The following DCAF6 variants were observed in gnomAD, a reference collection of about 807,000 sequenced individuals.
DCAF6 encodes the protein DDB1- and CUL4-associated factor 6.
DCAF6 carries 54 observed loss-of-function variants against 125.1 expected under a neutral mutation model. The observed-to-expected ratio is 0.43, with a 90% CI of 0.35 to 0.54. The LOEUF is 0.54. DCAF6 is among the 20% of genes least tolerant of loss of function. The pLI, the probability that DCAF6 is intolerant of heterozygous loss-of-function variation, is 0.01. For missense variants in DCAF6, 934 were observed against 1,161.7 expected, an observed-to-expected ratio of 0.80 and a Z score of 2.85; for synonymous variants, 371 against 390.4, an observed-to-expected ratio of 0.95 and a Z score of 0.58.
At chr1:167,949,345 T>C (rs145940992) in intron 1 of DCAF6, among the ~76,000 whole-genome samples, 1,764 of 152,330 alleles carry the variant, frequency 0.012, 23 homozygotes, top group Non-Finnish European at 0.015. Context: ...GAGGTTTATA[T>C]AGTGAATAGC....
chr1:167,933,802 G>C (rs1356114432), upstream of DCAF6, among the ~76,000 whole-genome samples: 1 of 152,072 alleles, frequency 6.6e-6, no homozygotes, highest in African/African-American at 2.4e-5. Context: ...CCAACTTGTC[G>C]ATCATAAATA....
intron 12 of DCAF6, chr1:168,023,312 C>T (rs10918811): frequency 0.024 from 12,852 of 525,656 alleles, 1,082 homozygotes; most frequent in African/African-American, 0.2. Context: ...ATAATGGATA[C>T]AAACTATATC....
chr1:168,017,523 A>G (rs1685143941), intron 11 of DCAF6, among the ~76,000 whole-genome samples: 1 of 152,054 alleles, frequency 6.6e-6, no homozygotes, highest in Non-Finnish European at 1.5e-5. Flanking sequence ...TAGAATCAGA[A>G]AGCTTTAGAG....
At position 168,023,053 on chromosome 1, in the gene DCAF6, T is replaced by A. The variant is rs1240456633; in HGVS notation, c.1609+6T>A. The A allele has an allele frequency of 1.9e-6, 3 of 1,614,118 alleles. No homozygotes were observed. In the East Asian group the frequency reaches 6.7e-5, roughly 36 times the overall value. ...GTCACTTGACGAGCAACAGGGTGCG[T>A]GCAACAGGAGATGCGCTATGCCCAT... On this transcript the variant is annotated splice_donor_region_variant and intron_variant, in intron 12 of 21. Transcript: ENST00000367840.
At chr1:167,966,757 GAAAA>G (rs748119322) in intron 3 of DCAF6, 36 bp downstream of exon 3, 1 of 1,292,400 alleles carries the variant, frequency 7.7e-7, no homozygotes, top group East Asian at 2.3e-5. Flanking sequence ...TTTAATGAGA[GAAAA>G]AAAATCAAGA....
At chr1:168,071,342 G>A (rs540781383) in intron 21 of DCAF6, among the ~76,000 whole-genome samples, 4 of 152,286 alleles carry the variant, frequency 2.6e-5, no homozygotes, top group South Asian at 2.1e-4. Flanking sequence ...AGTGGCTCAC[G>A]CCTGTAATCT....
chr1:167,878,705 T>C, the DCAF6 span: 17 of 1,493,564 alleles, frequency 1.1e-5, no homozygotes, highest in Non-Finnish European at 1.6e-5. Flanking sequence ...ATCTGAAACA[T>C]TGTCCCCAAA....
chr1:167,923,424 TA>T, the DCAF6 span, among the ~76,000 whole-genome samples: 688 of 152,296 alleles, frequency 4.5e-3, 8 homozygotes, highest in East Asian at 0.056. Context: ...GACATTATGC[TA>T]GGGGAAATAA....
chr1:168,028,158 A>G, intron 12 of DCAF6, among the ~76,000 whole-genome samples: 1 of 152,110 alleles, frequency 6.6e-6, no homozygotes, highest in South Asian at 2.1e-4. Flanking sequence ...TTTCCTTTTT[A>G]TCTCTCTACT....
At chr1:167,941,586 A>G (rs1672248211) in intron 1 of DCAF6, among the ~76,000 whole-genome samples, 1 of 152,008 alleles carries the variant, frequency 6.6e-6, no homozygotes, top group African/African-American at 2.4e-5. Flanking sequence ...TCATATTGTT[A>G]CAACTGTTGG....
At chr1:168,051,032 C>A in intron 17 of DCAF6, 99 bp downstream of exon 17, 1 of 527,930 alleles carries the variant, frequency 1.9e-6, no homozygotes, top group African/African-American at 1.9e-5. Context: ...AGTTAATACT[C>A]CCTTTGGACT....
At chr1:168,049,559 G>T (rs901640583) in intron 16 of DCAF6, among the ~76,000 whole-genome samples, 2 of 149,800 alleles carry the variant, frequency 1.3e-5, no homozygotes, top group African/African-American at 4.9e-5. Flanking sequence ...ACCGCGCCTG[G>T]CCATATACTG....
At chr1:167,958,603 CTAAA>C (rs2102768601) in intron 2 of DCAF6, among the ~76,000 whole-genome samples, 2 of 152,106 alleles carry the variant, frequency 1.3e-5, no homozygotes, top group East Asian at 3.9e-4. Flanking sequence ...CCTGTGAACA[CTAAA>C]TAAATTCAAA....
At chr1:168,067,201 C>T (rs537546586) in intron 20 of DCAF6, among the ~76,000 whole-genome samples, 1 of 152,130 alleles carries the variant, frequency 6.6e-6, no homozygotes, top group Admixed American at 6.5e-5. Context: ...ACTGACTGTT[C>T]GTAGCACAAT....
the DCAF6 span, among the ~76,000 whole-genome samples, chr1:167,900,689 C>T: frequency 6.6e-6 from 1 of 152,110 alleles, no homozygotes; most frequent in African/African-American, 2.4e-5. Flanking sequence ...CCCGCCATCA[C>T]GCCTGGCTAA....
intron 11 of DCAF6, among the ~76,000 whole-genome samples, chr1:168,019,230 G>A (rs921374317): frequency 1.4e-4 from 21 of 151,736 alleles, no homozygotes; most frequent in African/African-American, 5.1e-4. Flanking sequence ...TTGTATTTTT[G>A]GTAGAGATGG....
intron 1 of DCAF6, among the ~76,000 whole-genome samples, chr1:167,944,554 T>C (rs1022109189): frequency 6.6e-6 from 1 of 152,244 alleles, no homozygotes; most frequent in Non-Finnish European, 1.5e-5. Flanking sequence ...ATTTCTCTTA[T>C]GACTGGTAAT....
At chr1:167,902,047 C>T in the DCAF6 span, 1 of 1,604,234 alleles carries the variant, frequency 6.2e-7, no homozygotes, top group Non-Finnish European at 8.5e-7. Context: ...CTCCAAAAAT[C>T]AACACTTCTG....
intron 13 of DCAF6, among the ~76,000 whole-genome samples, chr1:168,041,125 G>A (rs1688478530): frequency 6.6e-6 from 1 of 151,938 alleles, no homozygotes; most frequent in Admixed American, 6.6e-5. Flanking sequence ...TTAGTATGAA[G>A]ATTTAATGAG....
Sources: allele counts gnomAD v4.1 joint callset (sites outside exome capture counted in the v4.1 genomes callset), GRCh38; gene constraint gnomAD v4.1.1; transcripts MANE v1.5; gene names NCBI Gene and HGNC (gene_info 2026-07-23, HGNC 2026-07-21).